The following HFM1 variants were observed in gnomAD, a reference collection of about 807,000 sequenced individuals.
HFM1 encodes the protein probable ATP-dependent DNA helicase HFM1.
HFM1 carries 169 observed loss-of-function variants against 192.1 expected under a neutral mutation model. That is an observed-to-expected ratio of 0.88 (90% CI 0.78 to 1.00). HFM1 has a LOEUF of 1.00. Ranked by LOEUF, HFM1 falls within the 50% of genes least tolerant of loss-of-function variation. The probability of loss-of-function intolerance (pLI) is 0.00; values close to 1 mark genes in which losing one functional copy is unlikely to be tolerated. For synonymous variants in HFM1, 525 were observed against 537.8 expected, an observed-to-expected ratio of 0.98 and a Z score of 0.33; for missense variants, 1,661 against 1,668.0, an observed-to-expected ratio of 1.00 and a Z score of 0.07.
chr1:91,380,863 A>G (rs544860844), intron 7 of HFM1, 49 bp downstream of exon 7: 2 of 882,254 alleles, frequency 2.3e-6, no homozygotes, highest in Non-Finnish European at 1.9e-6. Flanking sequence ...TCTAGTGATC[A>G]TAACCTAGTG....
chr1:91,359,578 A>G (rs1658239000), intron 13 of HFM1, among the ~76,000 whole-genome samples: 1 of 152,096 alleles, frequency 6.6e-6, no homozygotes, highest in African/African-American at 2.4e-5. Context: ...AGGAAGAAGA[A>G]GAATGAAAAG....
intron 30 of HFM1, among the ~76,000 whole-genome samples, chr1:91,294,292 T>A (rs1197799301): frequency 2.0e-5 from 3 of 152,040 alleles, no homozygotes; most frequent in Non-Finnish European, 4.4e-5. Context: ...GATTAGACCA[T>A]CAATGTATGT....
At chr1:91,327,544 C>T (rs1653102009) in intron 20 of HFM1, among the ~76,000 whole-genome samples, 1 of 152,128 alleles carries the variant, frequency 6.6e-6, no homozygotes, top group Admixed American at 6.6e-5. Context: ...CTGGAGACTT[C>T]ACCCCACTTT....
At chr1:91,273,321 G>T (rs1376030000) in intron 34 of HFM1, among the ~76,000 whole-genome samples, 1 of 151,774 alleles carries the variant, frequency 6.6e-6, no homozygotes, top group African/African-American at 2.4e-5. Context: ...CTTGCCCAAG[G>T]TCACATTGAT....
chr1:91,324,821 T>C (rs1412168855), intron 20 of HFM1, 55 bp from the exon 21 acceptor site: 1 of 929,662 alleles, frequency 1.1e-6, no homozygotes, highest in Admixed American at 1.9e-5. Context: ...ACCAACTGTT[T>C]TTTTATGTTT....
Position 91,353,060 on chromosome 1 carries a change from G to A in HFM1, c.1822C>T (p.Pro608Ser). 6.3e-7 allele frequency: 1 copy of A among 1,586,388 alleles called. No homozygotes were observed. The change falls in exon 15 of 39, where the codon CCA becomes TCA. Residue 608 changes from proline to serine, a missense_variant. Pro to Ser is a moderately conservative substitution (Grantham distance 74). Transcript: ENST00000370425. ...VEGAFTVGDL[P>S]VLFTTSTLAM... Reference sequence around the variant, plus strand: ...AATATGTTTTACTTACAAAGAACTGGTAAATCTCCAACAGTAAAAGCTCCC... The same window carrying A: ...AATATGTTTTACTTACAAAGAACTGATAAATCTCCAACAGTAAAAGCTCCC...
intron 30 of HFM1, among the ~76,000 whole-genome samples, chr1:91,282,044 C>A (rs1298461861): frequency 6.6e-6 from 1 of 152,152 alleles, no homozygotes; most frequent in Non-Finnish European, 1.5e-5. Flanking sequence ...TATTTGTAGA[C>A]CTTTCATTCA....
rs1197688983 is a variant in HFM1 at position 91,322,967 on chromosome 1, T to G, written c.2565A>C (p.Arg855Ser). 7.3e-7 allele frequency: 1 copy of G among 1,373,044 alleles called. No individual in the cohort carries two copies. The highest frequency in any genetic ancestry group is 9.8e-7 in the Non-Finnish European group (1 of 1,023,680). The allele number at this position is 1,373,044 out of a possible 1,614,324, so 85.1% of individuals were successfully genotyped here. A position where few individuals can be genotyped will look rare whatever the true frequency, so the allele number is the denominator to read the frequency against. Residue 855 changes from arginine to serine, a missense_variant, in exon 23 of 39, where the codon AGA (arginine) becomes AGC (serine). Coordinates refer to ENST00000370425, the MANE Select transcript of HFM1 (RefSeq NM_001017975.6). ...ATCTTTACCAATTTACTTTCATTTCTCTTGTTTTAATTCTTCCTTCCATTG... is the reference window on the plus strand; with the variant it reads ...ATCTTTACCAATTTACTTTCATTTCGCTTGTTTTAATTCTTCCTTCCATTG... ...RFPMEGRIKT[R>S]EMKVNCLIQA...
At chr1:91,371,906 C>T (rs1216986714) in intron 13 of HFM1, among the ~76,000 whole-genome samples, 1 of 152,114 alleles carries the variant, frequency 6.6e-6, no homozygotes, top group African/African-American at 2.4e-5. Flanking sequence ...AAACAAACAA[C>T]CCCAACAAAA....
intron 30 of HFM1, among the ~76,000 whole-genome samples, chr1:91,284,955 C>G (rs1667802134): frequency 6.6e-6 from 1 of 152,054 alleles, no homozygotes; most frequent in Non-Finnish European, 1.5e-5. Flanking sequence ...GTGGGAGAGA[C>G]CTGGGGGAGA....
chr1:91,304,565 C>T (rs1649326967), intron 30 of HFM1, among the ~76,000 whole-genome samples: 1 of 151,918 alleles, frequency 6.6e-6, no homozygotes, highest in African/African-American at 2.4e-5. Flanking sequence ...CTCCTGGGTT[C>T]AAGCGATTCT....
intron 20 of HFM1, among the ~76,000 whole-genome samples, chr1:91,340,793 A>G (rs1211481697): frequency 1.3e-5 from 2 of 152,238 alleles, no homozygotes; most frequent in Non-Finnish European, 2.9e-5. Context: ...AGGGGTTGCT[A>G]TTCTAATTTC....
At position 91,356,720 on chromosome 1, in the gene HFM1, G is replaced by GGA. The variant is rs1553120699; in HGVS notation, c.1686-3422_1686-3421insTC. Among the ~76,000 whole-genome samples, 4 of 148,824 alleles carry GGA rather than the reference G, an allele frequency of 2.7e-5. No homozygotes were observed. In the East Asian group the frequency reaches 5.9e-4, roughly 22 times the overall value. On this transcript the variant is annotated intron_variant, in intron 13 of 38. Transcript: ENST00000370425. ...TAAACAAATATCTAGCTAGACTAAG[G>GGA]AAAAAAAAAGAAGAAACAAATAAAA... is the stretch of plus-strand genomic sequence containing the variant.
rs35628470 is a variant in HFM1, at chr1:91,353,923, GA to G, written c.1686-625del. ...ATCAATAGAGGGACACAGGAAACAT[GA>G]AAAAAAAAAAAAACCAACCAAAAAA... On this transcript the variant is annotated intron_variant, in intron 13 of 38. Transcript: ENST00000370425. 3.2e-3 allele frequency among the ~76,000 whole-genome samples: 360 copies of G among 113,626 alleles called. 1 individual carries two copies. Among genetic ancestry groups the G allele is most frequent in the African/African-American group, 0.012 (324 of 26,592 alleles). 74.5% of individuals were successfully genotyped at this position (113,626 alleles called of 152,430 possible). A position where few individuals can be genotyped will look rare whatever the true frequency, so the allele number is the denominator to read the frequency against.
chr1:91,350,587 C>A, intron 18 of HFM1, 151 bp downstream of exon 18: 1 of 567,548 alleles, frequency 1.8e-6, no homozygotes. Flanking sequence ...AGCTTGTCTA[C>A]TCTTGTCTCT....
chr1:91,278,792 TGACAG>T (rs1474617337), intron 30 of HFM1, among the ~76,000 whole-genome samples: 1 of 152,106 alleles, frequency 6.6e-6, no homozygotes, highest in Non-Finnish European at 1.5e-5. Context: ...GGCTGGAAGC[TGACAG>T]CTAACCACAG....
At position 91,283,396 on chromosome 1, in the gene HFM1, A is replaced by G. The variant is rs2100840047; in HGVS notation, c.3392-6334T>C. Among the ~76,000 whole-genome samples the G allele has an allele frequency of 2.6e-5, 4 of 152,198 alleles. 1 individual carries two copies. The highest frequency in any genetic ancestry group is 2.6e-4 in the Admixed American group (4 of 15,284). On this transcript the variant is annotated intron_variant, in intron 30 of 38. Transcript: ENST00000370425. ...GTAGCTGGGACTACAGGCATGCACC[A>G]CCACACCCAGCTAATTTTTGTATTT...
At position 91,261,229 on chromosome 1, in the gene HFM1, A is replaced by T. The variant is rs1665126019; in HGVS notation, c.*61T>A. 2.9e-6 allele frequency: 2 copies of T among 682,182 alleles called. No homozygotes were observed. The highest frequency in any genetic ancestry group is 3.3e-5 in the East Asian group (1 of 29,854). 42.3% of individuals were successfully genotyped at this position (682,182 alleles called of 1,614,324 possible). On this transcript the variant is annotated 3_prime_UTR_variant, in exon 39 of 39. Coordinates refer to ENST00000370425, the MANE Select transcript of HFM1 (RefSeq NM_001017975.6). The stretch of plus-strand genomic sequence containing the variant: ...GAACTACTTTTTAAAAATAAAAAGC[A>T]TGCTTTGTGATTAGGTGTCTTTATT...
At chr1:91,351,681 C>T in intron 16 of HFM1, 38 bp from the exon 17 acceptor site, 1 of 1,111,404 alleles carries the variant, frequency 9.0e-7, no homozygotes, top group Non-Finnish European at 1.4e-6. Context: ...TGAAGAAGAG[C>T]ACATCTTGGT....
Sources: gnomAD v4.1 joint callset for allele counts (sites outside exome capture counted in the v4.1 genomes callset) on GRCh38, gnomAD v4.1.1 for gene constraint, MANE v1.5 for transcripts, NCBI Gene and HGNC (gene_info 2026-07-23, HGNC 2026-07-21) for gene names.